Variants in SVIL observed in about 807,000 individuals in gnomAD.
The protein encoded by SVIL is archvillin.
SVIL carries 101 observed loss-of-function variants against 240.4 expected under a neutral mutation model. The ratio of observed to expected loss-of-function variants is 0.42; its 90% confidence interval spans 0.36 to 0.50. The LOEUF (loss-of-function observed/expected upper bound fraction) is 0.50, where lower values mean the gene tolerates loss of function less well. Among genes scored for constraint, SVIL ranks in the 20% least tolerant of loss-of-function variants. SVIL has a pLI of 0.01. For missense variants in SVIL, 2,512 were observed against 2,818.7 expected, an observed-to-expected ratio of 0.89 and a Z score of 2.46; for synonymous variants, 999 against 1,100.0, an observed-to-expected ratio of 0.91 and a Z score of 1.82.
intron 1 of SVIL, among the ~76,000 whole-genome samples, chr10:29,700,056 A>G (rs1163331782): frequency 6.6e-6 from 1 of 152,214 alleles, no homozygotes; most frequent in Non-Finnish European, 1.5e-5. Flanking sequence ...GATATGACAC[A>G]CTAGAGAGTA....
chr10:29,463,486 C>A lies in SVIL; in HGVS notation c.6277+6G>T. 8.1e-6 allele frequency: 13 copies of A among 1,613,200 alleles called. No homozygotes were observed. The highest frequency in any genetic ancestry group is 1.1e-5 in the Non-Finnish European group (13 of 1,179,556). ...CGTGCTGCAGGCATGTTAGAGGGAG[C>A]CTCACCTTTGCAGTACTGGAGCACA... On this transcript the variant is annotated splice_donor_region_variant and intron_variant, in intron 35 of 37. Coordinates refer to ENST00000355867, the MANE Select transcript of SVIL (RefSeq NM_021738.3).
intron 25 of SVIL, 64 bp from the exon 26 acceptor site, chr10:29,486,294 T>C (rs1225049024): frequency 1.3e-5 from 21 of 1,597,324 alleles, no homozygotes; most frequent in Non-Finnish European, 1.7e-5. Flanking sequence ...CAATGTAAAA[T>C]GTGAATGAAT....
At chr10:29,598,987 G>C (rs577369642) in intron 1 of SVIL, among the ~76,000 whole-genome samples, 1 of 152,330 alleles carries the variant, frequency 6.6e-6, no homozygotes, top group East Asian at 1.9e-4. Flanking sequence ...ATCTACAGCT[G>C]CCTTGGGCAT....
intron 17 of SVIL, among the ~76,000 whole-genome samples, chr10:29,506,673 G>A (rs892222711): frequency 1.5e-5 from 2 of 137,792 alleles, no homozygotes; most frequent in Non-Finnish European, 3.2e-5. Flanking sequence ...AGGGGACAGA[G>A]GCCCTATGAG....
chr10:29,593,994 A>G (rs991535297), intron 1 of SVIL, among the ~76,000 whole-genome samples: 1 of 152,210 alleles, frequency 6.6e-6, no homozygotes, highest in Non-Finnish European at 1.5e-5. Flanking sequence ...AGTGTACTAC[A>G]GGTTGAGCAT....
rs767008724 is a variant in SVIL, at chr10:29,523,992, G to C, written c.2622C>G (p.Ala874=). ...CTACGGTAGACACTGATGTGTTCAC[G>C]GCAGGTGAGAAAGGAATGAGCTTTC... ...QSGKLIPFSP[A]VNTSVSTVAS... is the part of the protein sequence containing the mutation. Residue 874 remains alanine, a synonymous_variant, in exon 15 of 38, where the codon GCC becomes GCG. Coordinates refer to ENST00000355867, the MANE Select transcript of SVIL (RefSeq NM_021738.3). The C allele has an allele frequency of 1.9e-6, 3 of 1,613,814 alleles. No homozygotes were observed. Among genetic ancestry groups the C allele is most frequent in the Admixed American group, 3.3e-5 (2 of 59,988 alleles).
chr10:29,529,746 G>A lies in SVIL; in HGVS notation c.2205C>T (p.Leu735=), dbSNP rs1284126524. Residue 735 remains leucine, a synonymous_variant, in exon 12 of 38, where the codon CTC becomes CTT. Coordinates refer to ENST00000355867, the MANE Select transcript of SVIL (RefSeq NM_021738.3). ...CCTCTTCAGTGGTGATGGGCTGGGT[G>A]AGGGACCTGTCCTGCAGACGGCGTA... The part of the protein sequence containing the change: ...QRLRRLQDRS[L]TQPITTEEVV... 1 of 1,613,494 alleles carries A rather than the reference G, an allele frequency of 6.2e-7. No individual in the cohort carries two copies. The highest frequency in any genetic ancestry group is 1.3e-5 in the African/African-American group (1 of 74,890).
At chr10:29,628,940 C>T (rs777223649) in intron 1 of SVIL, among the ~76,000 whole-genome samples, 2 of 152,126 alleles carry the variant, frequency 1.3e-5, no homozygotes, top group Non-Finnish European at 2.9e-5. Flanking sequence ...AGCCCCATCA[C>T]CCTCACTAGA....
chr10:29,715,593 C>T (rs973879797), intron 1 of SVIL, among the ~76,000 whole-genome samples: 3 of 152,206 alleles, frequency 2.0e-5, no homozygotes, highest in Admixed American at 1.3e-4. Context: ...CCTATTACAT[C>T]CCACAGACTG....
intron 16 of SVIL, among the ~76,000 whole-genome samples, chr10:29,517,073 A>G (rs1167868269): frequency 6.6e-6 from 1 of 152,144 alleles, no homozygotes; most frequent in East Asian, 1.9e-4. Flanking sequence ...AAGTTGGAGA[A>G]GTGAATGAAC....
At chr10:29,539,925 A>C (rs1227527184) in intron 6 of SVIL, among the ~76,000 whole-genome samples, 1 of 152,014 alleles carries the variant, frequency 6.6e-6, no homozygotes, top group African/African-American at 2.4e-5. Flanking sequence ...TGTTTCTTTC[A>C]AACCCCACCC....
At chr10:29,642,532 A>T (rs913927499) in intron 3 of SVIL, among the ~76,000 whole-genome samples, 2 of 152,224 alleles carry the variant, frequency 1.3e-5, no homozygotes, top group African/African-American at 4.8e-5. Flanking sequence ...TCTCCTAGAC[A>T]TGGTCTCTGA....
intron 7 of SVIL, 108 bp from the exon 8 acceptor site, chr10:29,533,566 GAAT>G (rs1470312462): frequency 8.3e-6 from 12 of 1,446,122 alleles, no homozygotes; most frequent in Non-Finnish European, 1.1e-5. Flanking sequence ...ACCTGAGAGA[GAAT>G]AACTTGTGAA....
At chr10:29,584,493 G>A (rs1474997904) in intron 1 of SVIL, among the ~76,000 whole-genome samples, 5 of 152,118 alleles carry the variant, frequency 3.3e-5, no homozygotes, top group South Asian at 2.1e-4. Context: ...GGAGATTGTC[G>A]GGGAGGTGCC....
At position 29,627,209 on chromosome 10, in the gene SVIL, T is replaced by C. The variant is rs577811517; in HGVS notation, c.-201+7211A>G. ...TCTCAACACATTTCTAATTTGTTCC[T>C]GCTCTCCCACCTTGAACTACTACCT... On this transcript the variant is annotated intron_variant, in intron 1 of 37. Transcript: ENST00000355867. Among the ~76,000 whole-genome samples the C allele has an allele frequency of 4.8e-5, 6 of 125,734 alleles. No homozygotes were observed. In the South Asian group the frequency reaches 1.4e-3, roughly 30 times the overall value. 82.5% of individuals were successfully genotyped at this position (125,734 alleles called of 152,430 possible). A position where few individuals can be genotyped will look rare whatever the true frequency, so the allele number is the denominator to read the frequency against.
intron 1 of SVIL, among the ~76,000 whole-genome samples, chr10:29,704,617 A>C (rs1962762285): frequency 6.6e-6 from 1 of 152,228 alleles, no homozygotes; most frequent in Non-Finnish European, 1.5e-5. Context: ...AATTCTGCTT[A>C]AAATTTAATT....
chr10:29,699,525 A>G (rs1010696034), intron 1 of SVIL, among the ~76,000 whole-genome samples: 1 of 152,124 alleles, frequency 6.6e-6, no homozygotes, highest in Non-Finnish European at 1.5e-5. Context: ...GCTGGTCTTC[A>G]ACTCCTGACC....
chr10:29,656,277 C>T (rs1479005990), intron 3 of SVIL, among the ~76,000 whole-genome samples: 1 of 151,532 alleles, frequency 6.6e-6, no homozygotes, highest in African/African-American at 2.4e-5. Context: ...AATCTGGAAG[C>T]TTTTTCTATG....
chr10:29,596,635 G>T (rs1174436668), intron 1 of SVIL, among the ~76,000 whole-genome samples: 1 of 152,110 alleles, frequency 6.6e-6, no homozygotes, highest in Non-Finnish European at 1.5e-5. Context: ...TGGGCTAGAG[G>T]GAGGACCCCC....
Sources: allele counts gnomAD v4.1 joint callset (sites outside exome capture counted in the v4.1 genomes callset), GRCh38; gene constraint gnomAD v4.1.1; transcripts MANE v1.5; gene names NCBI Gene and HGNC (gene_info 2026-07-23, HGNC 2026-07-21).